AGBL4: variants seen among roughly 807,000 people sequenced by gnomAD.
The protein encoded by AGBL4 is cytosolic carboxypeptidase 6.
Under a neutral mutation model 66.4 loss-of-function variants are expected in AGBL4, and 58 were observed. The observed-to-expected ratio is 0.87, with a 90% CI of 0.71 to 1.09. AGBL4 has a LOEUF of 1.09. Ranked by LOEUF, AGBL4 falls within the 50% of genes least tolerant of loss-of-function variation. The pLI is 0.00. For missense variants in AGBL4, 579 were observed against 631.0 expected (o/e 0.92, Z 0.88); for synonymous variants, 234 against 222.9 (o/e 1.05, Z -0.44).
chr1:48,875,923 G>A (rs1333272188), intron 5 of AGBL4, among the ~76,000 whole-genome samples: 3 of 152,060 alleles, frequency 2.0e-5, no homozygotes, highest in Middle Eastern at 3.2e-3. Context: ...TCCATTAGTC[G>A]TGACAGCAGT....
intron 5 of AGBL4, among the ~76,000 whole-genome samples, chr1:48,982,559 C>T (rs1213671097): frequency 6.6e-6 from 1 of 152,084 alleles, no homozygotes; most frequent in Middle Eastern, 3.2e-3. Context: ...GCATAGTATT[C>T]CATGGTGTAT....
At chr1:48,595,435 A>T (rs1644980906) in intron 9 of AGBL4, among the ~76,000 whole-genome samples, 1 of 152,252 alleles carries the variant, frequency 6.6e-6, no homozygotes. Context: ...CAGTAAAACC[A>T]GGTACTTTTC....
intron 4 of AGBL4, among the ~76,000 whole-genome samples, chr1:49,131,833 T>C (rs985376002): frequency 7.9e-5 from 12 of 152,022 alleles, no homozygotes; most frequent in Non-Finnish European, 1.8e-4. Flanking sequence ...AAATAGGAGA[T>C]ATTGAAGGAG....
At chr1:49,809,300 T>TC (rs1274878027) in intron 2 of AGBL4, among the ~76,000 whole-genome samples, 2 of 106,000 alleles carry the variant, frequency 1.9e-5, no homozygotes, top group African/African-American at 3.5e-5. Context: ...ATGCTATCCC[T>TC]CCCCCCTCCC....
chr1:49,446,675 G>A (rs964436232), intron 3 of AGBL4, among the ~76,000 whole-genome samples: 1 of 152,140 alleles, frequency 6.6e-6, no homozygotes, highest in African/African-American at 2.4e-5. Flanking sequence ...TGGGCCTCCC[G>A]AGTGATTCAC....
At chr1:48,607,725 T>C (rs1159978772) in intron 9 of AGBL4, among the ~76,000 whole-genome samples, 1 of 152,074 alleles carries the variant, frequency 6.6e-6, no homozygotes, top group Non-Finnish European at 1.5e-5. Context: ...TATACAACTA[T>C]GCTTACACAA....
At chr1:49,242,325 A>G (rs1651300725) in intron 4 of AGBL4, among the ~76,000 whole-genome samples, 1 of 151,980 alleles carries the variant, frequency 6.6e-6, no homozygotes, top group Non-Finnish European at 1.5e-5. Context: ...AGCCAATCCA[A>G]TAAGTTATTT....
Position 48,722,804 on chromosome 1 carries a change from G to A in AGBL4, c.635-59563C>T, listed in dbSNP as rs139034152. Among the ~76,000 whole-genome samples, 472 of 152,174 alleles carry A rather than the reference G, an allele frequency of 3.1e-3. 2 individuals carry two copies. The highest frequency in any genetic ancestry group is 0.011 in the African/African-American group (454 of 41,512). On this transcript the variant is annotated intron_variant, in intron 6 of 13. Transcript: ENST00000371839. ...CATCTTGCTGACCAAACTCTTCCTGGAGCACCATGTCCAGTCCTGAGTCTC... is the reference window on the plus strand; with the variant it reads ...CATCTTGCTGACCAAACTCTTCCTGAAGCACCATGTCCAGTCCTGAGTCTC...
chr1:49,380,382 G>A (rs1644574406), intron 3 of AGBL4, among the ~76,000 whole-genome samples: 2 of 152,096 alleles, frequency 1.3e-5, no homozygotes, highest in Admixed American at 6.6e-5. Context: ...ATGCTCATGG[G>A]TAGGAAGAAT....
intron 3 of AGBL4, among the ~76,000 whole-genome samples, chr1:49,651,573 C>T (rs1646005673): frequency 1.3e-5 from 2 of 152,076 alleles, no homozygotes; most frequent in South Asian, 4.1e-4. Context: ...TTTGAGAAAG[C>T]CACCACACAA....
At chr1:49,567,082 G>T (rs1048630144) in intron 3 of AGBL4, among the ~76,000 whole-genome samples, 1 of 152,210 alleles carries the variant, frequency 6.6e-6, no homozygotes, top group Non-Finnish European at 1.5e-5. Flanking sequence ...GGCTCCGTGG[G>T]CATAGGACCC....
At chr1:49,663,498 T>C (rs907306750) in intron 3 of AGBL4, among the ~76,000 whole-genome samples, 6 of 152,136 alleles carry the variant, frequency 3.9e-5, no homozygotes, top group Admixed American at 3.9e-4. Context: ...AGCATTTGGG[T>C]CTCTGAATTC....
intron 6 of AGBL4, among the ~76,000 whole-genome samples, chr1:48,663,646 T>A (rs1167690490): frequency 1.3e-5 from 2 of 152,076 alleles, no homozygotes; most frequent in Non-Finnish European, 2.9e-5. Flanking sequence ...TTTTAATAGG[T>A]TTGTTGTGAT....
chr1:48,727,875 A>G (rs1647416969), intron 6 of AGBL4: 2 of 1,599,642 alleles, frequency 1.3e-6, no homozygotes, highest in Non-Finnish European at 1.7e-6. Context: ...GCTTTATGAA[A>G]AATCCAAAGT....
chr1:48,769,335 C>G (rs1275219961), intron 6 of AGBL4, among the ~76,000 whole-genome samples: 2 of 152,110 alleles, frequency 1.3e-5, no homozygotes, highest in Non-Finnish European at 2.9e-5. Context: ...GGCCTTGGTA[C>G]AGGACTGGGG....
chr1:49,262,737 G>T (rs1653324823), intron 3 of AGBL4, among the ~76,000 whole-genome samples: 1 of 152,192 alleles, frequency 6.6e-6, no homozygotes, highest in African/African-American at 2.4e-5. Context: ...CATTGTGGAG[G>T]TCAGTGTGGC....
chr1:49,546,388 C>T (rs898402340), intron 3 of AGBL4, among the ~76,000 whole-genome samples: 3 of 149,428 alleles, frequency 2.0e-5, no homozygotes, highest in Admixed American at 6.7e-5. Flanking sequence ...ACATATATAC[C>T]ACAGTGTCTT....
intron 6 of AGBL4, among the ~76,000 whole-genome samples, chr1:48,677,190 A>G (rs1646379879): frequency 6.6e-6 from 1 of 152,194 alleles, no homozygotes; most frequent in South Asian, 2.1e-4. Context: ...CATCAAGCAA[A>G]TAATTTTTCT....
At chr1:49,165,184 A>C (rs1423062021) in intron 4 of AGBL4, among the ~76,000 whole-genome samples, 1 of 152,116 alleles carries the variant, frequency 6.6e-6, no homozygotes, top group Admixed American at 6.6e-5. Context: ...CAAGGGGAAG[A>C]ATTTCTGGAG....
Sources: allele counts gnomAD v4.1 joint callset (sites outside exome capture counted in the v4.1 genomes callset), GRCh38; gene constraint gnomAD v4.1.1; transcripts MANE v1.5; gene names NCBI Gene and HGNC (gene_info 2026-07-23, HGNC 2026-07-21).